Variants in LUZP2 observed in about 807,000 individuals in gnomAD.
LUZP2 encodes the protein leucine zipper protein 2.
Under a neutral mutation model 51.6 loss-of-function variants are expected in LUZP2, and 52 were observed. That is an observed-to-expected ratio of 1.01 (90% CI 0.81 to 1.27). The LOEUF is 1.27. Among genes scored for constraint, LUZP2 ranks in the 50% most tolerant of loss-of-function variants. The pLI is 0.00. For missense variants in LUZP2, 436 were observed against 395.4 expected (o/e 1.10, Z -0.87); for synonymous variants, 154 against 137.3 (o/e 1.12, Z -0.85).
intron 5 of LUZP2, among the ~76,000 whole-genome samples, chr11:24,826,785 T>C (rs1045642360): frequency 1.1e-4 from 16 of 151,938 alleles, no homozygotes; most frequent in African/African-American, 3.6e-4. Flanking sequence ...AAATGAAAAA[T>C]CTTTTCTGAA....
intron 1 of LUZP2, among the ~76,000 whole-genome samples, chr11:24,618,493 G>C (rs144281833): frequency 6.6e-6 from 1 of 152,232 alleles, no homozygotes; most frequent in Non-Finnish European, 1.5e-5. Flanking sequence ...TAGAGAGGTG[G>C]TTGCCTATGT....
intron 1 of LUZP2, among the ~76,000 whole-genome samples, chr11:24,685,525 C>T (rs554576508): frequency 1.3e-5 from 2 of 152,218 alleles, no homozygotes; most frequent in African/African-American, 4.8e-5. Context: ...TGTCTTCTGG[C>T]TATGACAAGG....
chr11:24,879,106 G>A (rs1292120487), intron 5 of LUZP2, among the ~76,000 whole-genome samples: 5 of 151,856 alleles, frequency 3.3e-5, no homozygotes, highest in African/African-American at 4.8e-5. Context: ...CACCATGCCC[G>A]GCTAATTTTT....
intron 5 of LUZP2, among the ~76,000 whole-genome samples, chr11:24,861,155 A>G (rs10767256): frequency 0.14 from 21,860 of 152,152 alleles, 1,652 homozygotes; most frequent in African/African-American, 0.17. Flanking sequence ...TTCGTGAAGC[A>G]TATACAAGTA....
chr11:24,587,872 G>C (rs1002674600), intron 1 of LUZP2, among the ~76,000 whole-genome samples: 1 of 151,910 alleles, frequency 6.6e-6, no homozygotes, highest in Non-Finnish European at 1.5e-5. Flanking sequence ...TGTGTCAGAG[G>C]GGGTAGGTTT....
At chr11:25,038,275 T>C (rs1299434688) in intron 9 of LUZP2, among the ~76,000 whole-genome samples, 2 of 152,132 alleles carry the variant, frequency 1.3e-5, no homozygotes, top group African/African-American at 4.8e-5. Flanking sequence ...TTTGAGATTC[T>C]TTCCTCAGCT....
intron 1 of LUZP2, among the ~76,000 whole-genome samples, chr11:24,534,016 G>A (rs150074777): frequency 1.6e-4 from 24 of 151,230 alleles, no homozygotes; most frequent in African/African-American, 5.6e-4. Flanking sequence ...ATAAAATACA[G>A]CAATAAACCT....
intron 10 of LUZP2, among the ~76,000 whole-genome samples, chr11:25,065,505 A>G (rs1858972696): frequency 6.6e-6 from 1 of 151,974 alleles, no homozygotes; most frequent in Admixed American, 6.6e-5. Flanking sequence ...ATTGAGGAAA[A>G]TTGAGTAATC....
chr11:24,559,079 T>C (rs1461234519), intron 1 of LUZP2, among the ~76,000 whole-genome samples: 2 of 152,310 alleles, frequency 1.3e-5, no homozygotes, highest in East Asian at 3.9e-4. Context: ...GCTGAGCATA[T>C]ATTAGGAAAC....
chr11:24,778,756 A>G (rs889351416), intron 5 of LUZP2, among the ~76,000 whole-genome samples: 13 of 152,226 alleles, frequency 8.5e-5, no homozygotes, highest in African/African-American at 2.2e-4. Flanking sequence ...TTGCTGCATC[A>G]TCTGGGAAAA....
chr11:24,671,216 C>A (rs1030534439), intron 1 of LUZP2, among the ~76,000 whole-genome samples: 15 of 151,942 alleles, frequency 9.9e-5, no homozygotes, highest in Non-Finnish European at 1.0e-4. Context: ...TCTTCTATAT[C>A]TGTGTAGATA....
intron 5 of LUZP2, among the ~76,000 whole-genome samples, chr11:24,890,154 G>T (rs565073122): frequency 6.6e-6 from 1 of 152,038 alleles, no homozygotes; most frequent in African/African-American, 2.4e-5. Flanking sequence ...ACATGTAATT[G>T]TGAATTAATA....
chr11:24,633,942 G>A (rs1350047532), intron 1 of LUZP2, among the ~76,000 whole-genome samples: 1 of 128,298 alleles, frequency 7.8e-6, no homozygotes, highest in African/African-American at 3.2e-5. Flanking sequence ...TAACACACGT[G>A]TGTGTGTGTG....
intron 1 of LUZP2, among the ~76,000 whole-genome samples, chr11:24,590,952 T>A (rs1398115085): frequency 6.6e-6 from 1 of 152,074 alleles, no homozygotes; most frequent in Non-Finnish European, 1.5e-5. Flanking sequence ...GCAAATAGAT[T>A]TACAAGATCC....
intron 7 of LUZP2, among the ~76,000 whole-genome samples, chr11:24,925,521 A>C (rs929509717): frequency 2.6e-5 from 4 of 152,102 alleles, no homozygotes; most frequent in Non-Finnish European, 5.9e-5. Flanking sequence ...TGCATGCTTA[A>C]AGCACAAAAG....
chr11:24,925,940 T>C (rs1012034087), intron 7 of LUZP2, among the ~76,000 whole-genome samples: 15 of 152,004 alleles, frequency 9.9e-5, no homozygotes, highest in African/African-American at 9.7e-5. Flanking sequence ...ATTATTCTTA[T>C]GCATTTGCAT....
intron 6 of LUZP2, among the ~76,000 whole-genome samples, chr11:24,908,528 C>T (rs1853529439): frequency 6.6e-6 from 1 of 152,152 alleles, no homozygotes; most frequent in South Asian, 2.1e-4. Context: ...TCACCAACAT[C>T]TGGAACTGTA....
intron 1 of LUZP2, among the ~76,000 whole-genome samples, chr11:24,697,326 A>G (rs1222622052): frequency 6.6e-6 from 1 of 152,172 alleles, no homozygotes; most frequent in Admixed American, 6.5e-5. Context: ...TATGTATATG[A>G]GGGAGCTTTA....
intron 5 of LUZP2, among the ~76,000 whole-genome samples, chr11:24,868,796 C>A (rs1174272035): frequency 1.3e-5 from 2 of 152,030 alleles, no homozygotes; most frequent in Non-Finnish European, 2.9e-5. Flanking sequence ...TCTCTGCCTC[C>A]AACTCTTGCT....
Sources: allele counts gnomAD v4.1 joint callset (sites outside exome capture counted in the v4.1 genomes callset), GRCh38; gene constraint gnomAD v4.1.1; transcripts MANE v1.5; gene names NCBI Gene and HGNC (gene_info 2026-07-23, HGNC 2026-07-21).